Variants in CHST9 observed in about 807,000 individuals in gnomAD.
CHST9 encodes GalNAc-4-sulfotransferase 2.
In CHST9, 41 loss-of-function variants were observed where a neutral mutation model predicts 44.4. That is an observed-to-expected ratio of 0.92 (90% CI 0.72 to 1.20). The LOEUF (loss-of-function observed/expected upper bound fraction) is 1.20, where lower values mean the gene tolerates loss of function less well. Among genes scored for constraint, CHST9 ranks in the 50% most tolerant of loss-of-function variants. CHST9 has a pLI of 0.00. For missense variants in CHST9, 504 were observed against 516.5 expected (o/e 0.98, Z 0.23); for synonymous variants, 171 against 178.4 (o/e 0.96, Z 0.33).
chr18:27,122,937 A>G (rs1234379114), intron 2 of CHST9, among the ~76,000 whole-genome samples: 2 of 152,182 alleles, frequency 1.3e-5, no homozygotes, highest in Non-Finnish European at 2.9e-5. Flanking sequence ...TCCTATTATA[A>G]CTTCCTCATG....
chr18:27,053,269 AGAAGG>A lies in CHST9; in HGVS notation c.122-4771_122-4767del, dbSNP rs1568151245. Among the ~76,000 whole-genome samples, 79 of 114,344 alleles carry A rather than the reference AGAAGG, an allele frequency of 6.9e-4. 3 individuals are homozygous for A. Among genetic ancestry groups the A allele is most frequent in the African/African-American group, 2.3e-3 (67 of 29,036 alleles). The allele number at this position is 114,344 out of a possible 152,430, so 75.0% of individuals were successfully genotyped here. A position where few individuals can be genotyped will look rare whatever the true frequency, so the allele number is the denominator to read the frequency against. Reference sequence around the variant, plus strand: ...AAGAAGAAGAAGAAGAAGGAGAAGGAGAAGGAGAAGGAGAAGGAGAAGGAGAAGGA... The same window carrying A: ...AAGAAGAAGAAGAAGAAGGAGAAGGAAGAAGGAGAAGGAGAAGGAGAAGGA... On this transcript the variant is annotated intron_variant, in intron 2 of 5. Coordinates refer to ENST00000618847, the MANE Select transcript of CHST9 (RefSeq NM_031422.6).
rs796373424 is a variant in CHST9, at chr18:27,177,448, GA to G, written c.-97+7687del. 2.8e-3 allele frequency among the ~76,000 whole-genome samples: 409 copies of G among 144,768 alleles called. 1 individual carries two copies. The highest frequency in any genetic ancestry group is 9.8e-3 in the African/African-American group (388 of 39,616). 95.0% of individuals were successfully genotyped at this position (144,768 alleles called of 152,430 possible). A position where few individuals can be genotyped will look rare whatever the true frequency, so the allele number is the denominator to read the frequency against. On this transcript the variant is annotated intron_variant, in intron 1 of 5. Transcript: ENST00000618847. ...ACCACTTTAATTCCATCTGTGAAAA[GA>G]AAAAAAAAAGAAAGAAAACAATAGA...
chr18:26,954,014 C>T (rs1465678319), intron 4 of CHST9, among the ~76,000 whole-genome samples: 1 of 152,116 alleles, frequency 6.6e-6, no homozygotes, highest in Non-Finnish European at 1.5e-5. Flanking sequence ...TATAGATCTG[C>T]ACATGTAGAG....
In CHST9 at chr18:26,909,938, GGAGAAGGCTGGGAAGCAGGT is replaced by G. The variant is rs2055418273; in HGVS notation, c.*6301_*6320del. The G allele has an allele frequency of 6.6e-6, 1 of 152,128 alleles. No individual in the cohort carries two copies. The highest frequency in any genetic ancestry group is 1.9e-4 in the East Asian group (1 of 5,178). 9.4% of individuals were successfully genotyped at this position (152,128 alleles called of 1,614,324 possible). ...TTATAAATCAGAAAGAAGAATCTTC[GGAGAAGGCTGGGAAGCAGGT>G]GATTTTTAGAGTTGAGGAAGCGGGC... On this transcript the variant is annotated 3_prime_UTR_variant, in exon 6 of 6. Coordinates refer to ENST00000618847, the MANE Select transcript of CHST9 (RefSeq NM_031422.6).
intron 3 of CHST9, among the ~76,000 whole-genome samples, chr18:27,038,123 C>G (rs367878078): frequency 7.2e-4 from 110 of 152,228 alleles, no homozygotes; most frequent in African/African-American, 2.4e-3. Flanking sequence ...TTTATTCTCT[C>G]TCTTATGAAA....
At chr18:27,006,425 G>A (rs1271314748) in intron 4 of CHST9, among the ~76,000 whole-genome samples, 4 of 152,188 alleles carry the variant, frequency 2.6e-5, no homozygotes, top group South Asian at 2.1e-4. Flanking sequence ...CAATGTGTGG[G>A]TCATGAACTG....
chr18:27,055,937 CGTGTGT>C (rs35128328), intron 2 of CHST9, among the ~76,000 whole-genome samples: 15 of 147,446 alleles, frequency 1.0e-4, no homozygotes, highest in South Asian at 4.4e-4. Context: ...TTCTCTCTTT[CGTGTGT>C]GTGTGTGTGT....
At chr18:26,988,721 A>G (rs748439077) in intron 4 of CHST9, among the ~76,000 whole-genome samples, 2 of 152,186 alleles carry the variant, frequency 1.3e-5, no homozygotes, top group Non-Finnish European at 2.9e-5. Context: ...ACTCTATCCA[A>G]CAATAGGATA....
chr18:27,183,411 A>T (rs1439228244), intron 1 of CHST9, among the ~76,000 whole-genome samples: 1 of 152,190 alleles, frequency 6.6e-6, no homozygotes, highest in Non-Finnish European at 1.5e-5. Context: ...GATTTAAAAC[A>T]TTTATGTTTT....
intron 4 of CHST9, among the ~76,000 whole-genome samples, chr18:26,997,546 T>C (rs1302538842): frequency 6.6e-6 from 1 of 152,220 alleles, no homozygotes; most frequent in Non-Finnish European, 1.5e-5. Context: ...AAAAGGTATG[T>C]CTTGACATGC....
At chr18:26,949,781 C>A (rs2056218354) in intron 4 of CHST9, among the ~76,000 whole-genome samples, 1 of 152,100 alleles carries the variant, frequency 6.6e-6, no homozygotes, top group Non-Finnish European at 1.5e-5. Flanking sequence ...CTGGACACAG[C>A]CAGTGTAATC....
chr18:27,006,542 A>T (rs1405643889), intron 4 of CHST9, among the ~76,000 whole-genome samples: 1 of 152,146 alleles, frequency 6.6e-6, no homozygotes, highest in Non-Finnish European at 1.5e-5. Context: ...TTGAGATGTC[A>T]GAGATCATTA....
At chr18:26,925,629 GTCT>G (rs985850560) in intron 5 of CHST9, among the ~76,000 whole-genome samples, 1 of 152,226 alleles carries the variant, frequency 6.6e-6, no homozygotes, top group Non-Finnish European at 1.5e-5. Flanking sequence ...CTGGTTATGT[GTCT>G]TCTTCTATCG....
At chr18:27,015,505 C>T (rs189991469) in intron 4 of CHST9, among the ~76,000 whole-genome samples, 56 of 152,230 alleles carry the variant, frequency 3.7e-4, no homozygotes, top group Middle Eastern at 3.4e-3. Flanking sequence ...TGCCTGCCCC[C>T]AGTCTTGTTG....
intron 5 of CHST9, among the ~76,000 whole-genome samples, chr18:26,942,786 A>G (rs1441945485): frequency 6.6e-6 from 1 of 152,214 alleles, no homozygotes; most frequent in Non-Finnish European, 1.5e-5. Context: ...AAACCACTTG[A>G]GCACATACAA....
chr18:27,140,946 G>GT (rs2058559278), intron 2 of CHST9, among the ~76,000 whole-genome samples: 1 of 9,840 alleles, frequency 1.0e-4, no homozygotes, highest in Non-Finnish European at 3.1e-4. Context: ...TTTTCACAAA[G>GT]TTACTATATA....
chr18:26,949,090 T>G (rs575492948), intron 4 of CHST9, among the ~76,000 whole-genome samples: 4 of 151,920 alleles, frequency 2.6e-5, no homozygotes, highest in Non-Finnish European at 5.9e-5. Flanking sequence ...AAAGATGAAT[T>G]GAGTGGTGGT....
intron 4 of CHST9, among the ~76,000 whole-genome samples, chr18:26,969,376 C>CTGTGTGTGTGTGTGTG (rs1208856677): frequency 2.3e-4 from 22 of 95,588 alleles, no homozygotes; most frequent in African/African-American, 6.4e-4. Flanking sequence ...CTCTCTCTCT[C>CTGTGTGTGTGTGTGTG]TGTGTGTGTG....
chr18:27,156,717 G>C (rs903137384), intron 1 of CHST9, among the ~76,000 whole-genome samples: 1 of 152,092 alleles, frequency 6.6e-6, no homozygotes, highest in African/African-American at 2.4e-5. Context: ...CTTCGTATGA[G>C]TAAAAAGTAG....
Sources: gnomAD v4.1 joint callset for allele counts (sites outside exome capture counted in the v4.1 genomes callset) on GRCh38, gnomAD v4.1.1 for gene constraint, MANE v1.5 for transcripts, NCBI Gene and HGNC (gene_info 2026-07-23, HGNC 2026-07-21) for gene names.